C12orf54: variants seen among roughly 807,000 people sequenced by gnomAD.
C12orf54 encodes chromosome 12 open reading frame 54.
A neutral mutation model predicts 26.4 loss-of-function variants in C12orf54; 24 were observed. The observed-to-expected ratio is 0.91, with a 90% confidence interval of 0.66 to 1.28. The LOEUF (loss-of-function observed/expected upper bound fraction) is 1.28. C12orf54 is among the 50% of genes most tolerant of loss of function. C12orf54 has a pLI of 0.00. For missense variants in C12orf54, 154 were observed against 150.9 expected, an observed-to-expected ratio of 1.02 and a Z score of -0.11; for synonymous variants, 54 against 47.0, an observed-to-expected ratio of 1.15 and a Z score of -0.61.
the C12orf54 span, among the ~76,000 whole-genome samples, chr12:48,473,864 C>T: frequency 1.2e-3 from 188 of 152,308 alleles, no homozygotes; most frequent in African/African-American, 3.8e-3. Flanking sequence ...ACATGCTTTT[C>T]GCGGAACTGC....
chr12:48,457,932 C>G, the C12orf54 span, among the ~76,000 whole-genome samples: 22 of 152,302 alleles, frequency 1.4e-4, no homozygotes, highest in Non-Finnish European at 2.9e-4. Context: ...CCTTCAGGCC[C>G]CAGCAGCTTC....
the C12orf54 span, among the ~76,000 whole-genome samples, chr12:48,455,026 G>A: frequency 1.3e-5 from 2 of 152,162 alleles, no homozygotes; most frequent in Non-Finnish European, 2.9e-5. Context: ...GCGTGTCACT[G>A]GAGTTTGGTG....
At chr12:48,423,848 A>G in the C12orf54 span, among the ~76,000 whole-genome samples, 1 of 151,890 alleles carries the variant, frequency 6.6e-6, no homozygotes, top group Non-Finnish European at 1.5e-5. Flanking sequence ...GCCTTACTAT[A>G]CTGGCCAGAA....
upstream of C12orf54, among the ~76,000 whole-genome samples, chr12:48,481,109 G>A (rs961097246): frequency 5.3e-5 from 8 of 152,100 alleles, no homozygotes; most frequent in African/African-American, 1.2e-4. Context: ...CTCACTGTCT[G>A]GGTGACAGGA....
At chr12:48,461,509 T>C in the C12orf54 span, among the ~76,000 whole-genome samples, 4 of 151,994 alleles carry the variant, frequency 2.6e-5, no homozygotes, top group South Asian at 8.3e-4. Context: ...CTCAATAAAA[T>C]TTTTAAAATT....
chr12:48,421,978 A>G, the C12orf54 span, among the ~76,000 whole-genome samples: 1 of 152,344 alleles, frequency 6.6e-6, no homozygotes, highest in Middle Eastern at 3.4e-3. Context: ...TCTAAAACAA[A>G]ACTAAGAGAA....
chr12:48,470,497 C>T, the C12orf54 span, among the ~76,000 whole-genome samples: 1 of 152,074 alleles, frequency 6.6e-6, no homozygotes, highest in Non-Finnish European at 1.5e-5. Context: ...CTGTTCATGT[C>T]CTTTGCCCAT....
upstream of C12orf54, among the ~76,000 whole-genome samples, chr12:48,478,431 C>T (rs1026586796): frequency 2.6e-5 from 4 of 152,058 alleles, no homozygotes; most frequent in South Asian, 2.1e-4. Context: ...TAAAGGGTAT[C>T]CAATTAGGAA....
At chr12:48,453,815 C>T in the C12orf54 span, among the ~76,000 whole-genome samples, 2 of 151,538 alleles carry the variant, frequency 1.3e-5, no homozygotes, top group Non-Finnish European at 2.9e-5. Context: ...ATTCATCTAT[C>T]TACCTACCTA....
At chr12:48,439,908 TA>T in the C12orf54 span, among the ~76,000 whole-genome samples, 1 of 151,484 alleles carries the variant, frequency 6.6e-6, no homozygotes, top group African/African-American at 2.4e-5. Flanking sequence ...AATAATAAAA[TA>T]AAAAAATAAA....
Position 48,483,368 on chromosome 12 carries a change from G to A in C12orf54, c.65+7G>A. On this transcript the variant is annotated splice_region_variant and intron_variant, in intron 2 of 8. Transcript: ENST00000548364. Reference sequence around the variant, plus strand: ...CCTCCAAGCAGCAGAGAAGGTAATGGGGCTAATGATGACCCTCAAACATCC... The same window carrying A: ...CCTCCAAGCAGCAGAGAAGGTAATGAGGCTAATGATGACCCTCAAACATCC... 6.2e-7 allele frequency: 1 copy of A among 1,613,182 alleles called. No homozygotes were observed. The highest frequency in any genetic ancestry group is 8.5e-7 in the Non-Finnish European group (1 of 1,179,306).
chr12:48,436,957 G>A, the C12orf54 span, among the ~76,000 whole-genome samples: 1 of 152,134 alleles, frequency 6.6e-6, no homozygotes, highest in East Asian at 1.9e-4. Flanking sequence ...AAAAATCAAT[G>A]CATCCAGGAG....
At chr12:48,453,169 G>A in the C12orf54 span, among the ~76,000 whole-genome samples, 3 of 152,174 alleles carry the variant, frequency 2.0e-5, no homozygotes, top group Non-Finnish European at 2.9e-5. Flanking sequence ...AAAAAGGAAC[G>A]AGATCATGTT....
Position 48,494,929 on chromosome 12 carries a change from C to T in C12orf54, c.374C>T (p.Pro125Leu). 6.2e-7 allele frequency: 1 copy of T among 1,613,328 alleles called. No individual in the cohort carries two copies. Among genetic ancestry groups the T allele is most frequent in the Non-Finnish European group, 8.5e-7 (1 of 1,179,288 alleles). ...TQLFSQSAYY[P>L]GP ...CTCTTCAGTCAATCAGCTTACTACC[C>T]TGGACCCTAACTCTACAATCAAGGA... Residue 125 changes from proline (P) to leucine (L), a missense_variant, in exon 8 of 9, where the codon CCT becomes CTT. By Grantham distance (98) the Pro-to-Leu change is moderately conservative (BLOSUM62 -3). Coordinates refer to ENST00000548364, the MANE Select transcript of C12orf54 (RefSeq NM_152319.4).
In C12orf54 at chr12:48,483,378, T is replaced by C; in HGVS notation, c.65+17T>C. The C allele has an allele frequency of 6.2e-7, 1 of 1,611,604 alleles. No individual in the cohort carries two copies. The highest frequency in any genetic ancestry group is 8.5e-7 in the Non-Finnish European group (1 of 1,177,836). On this transcript the variant is annotated intron_variant, in intron 2 of 8. Coordinates refer to ENST00000548364, the MANE Select transcript of C12orf54 (RefSeq NM_152319.4). ...GCAGAGAAGGTAATGGGGCTAATGA[T>C]GACCCTCAAACATCCTTAGATTGCT...
At chr12:48,425,129 A>G in the C12orf54 span, among the ~76,000 whole-genome samples, 1 of 152,098 alleles carries the variant, frequency 6.6e-6, no homozygotes, top group South Asian at 2.1e-4. Flanking sequence ...GGTTTGTTAT[A>G]TAGGTAAACT....
the C12orf54 span, among the ~76,000 whole-genome samples, chr12:48,450,017 C>T: frequency 6.6e-6 from 1 of 152,294 alleles, no homozygotes; most frequent in East Asian, 1.9e-4. Flanking sequence ...CTGCCATGAT[C>T]CTGAGGCCTC....
At chr12:48,484,509 C>A in intron 2 of C12orf54, among the ~76,000 whole-genome samples, 1 of 152,158 alleles carries the variant, frequency 6.6e-6, no homozygotes, top group South Asian at 2.1e-4. Flanking sequence ...TAAAAGTGGA[C>A]AGGACACTGT....
the C12orf54 span, chr12:48,473,240 G>C: frequency 1.8e-6 from 2 of 1,127,936 alleles, no homozygotes; most frequent in Non-Finnish European, 2.7e-6. Context: ...AGGAGGACGA[G>C]GATGAGGAGG....
Sources: gnomAD v4.1 joint callset for allele counts (sites outside exome capture counted in the v4.1 genomes callset) on GRCh38, gnomAD v4.1.1 for gene constraint, MANE v1.5 for transcripts, NCBI Gene and HGNC (gene_info 2026-07-23, HGNC 2026-07-21) for gene names.